ZSWIM3: variants seen among roughly 807,000 people sequenced by gnomAD.
ZSWIM3 encodes the protein zinc finger SWIM domain-containing protein 3.
ZSWIM3 carries 27 observed loss-of-function variants against 47.5 expected under a neutral mutation model. That is an observed-to-expected ratio of 0.57 (90% CI 0.42 to 0.78). The LOEUF (loss-of-function observed/expected upper bound fraction) is 0.78, where lower values mean the gene tolerates loss of function less well. Among genes scored for constraint, ZSWIM3 ranks in the 30% least tolerant of loss-of-function variants. The probability of loss-of-function intolerance (pLI) is 0.00; values close to 1 mark genes in which losing one functional copy is unlikely to be tolerated. For synonymous variants in ZSWIM3, 333 were observed against 333.9 expected (o/e 1.00, Z 0.03); for missense variants, 689 against 861.3 (o/e 0.80, Z 2.50).
At chr20:45,859,851 A>G (rs1262987889) in intron 1 of ZSWIM3, among the ~76,000 whole-genome samples, 1 of 151,218 alleles carries the variant, frequency 6.6e-6, no homozygotes, top group East Asian at 1.9e-4. Flanking sequence ...CAGGAAGACC[A>G]TCTCAGGTGG....
intron 1 of ZSWIM3, among the ~76,000 whole-genome samples, chr20:45,865,188 G>T (rs1438310773): frequency 1.3e-5 from 2 of 151,656 alleles, no homozygotes; most frequent in Non-Finnish European, 2.9e-5. Flanking sequence ...GTGTGGTGGC[G>T]CACACCTGCA....
intron 1 of ZSWIM3, among the ~76,000 whole-genome samples, 178 bp downstream of exon 1, chr20:45,858,158 A>G (rs1324926978): frequency 6.6e-6 from 1 of 152,192 alleles, no homozygotes; most frequent in Non-Finnish European, 1.5e-5. Context: ...CTCCACGGCC[A>G]TTGGTTTTTG....
At chr20:45,869,198 A>G (rs1361990786) in intron 1 of ZSWIM3, among the ~76,000 whole-genome samples, 2 of 151,868 alleles carry the variant, frequency 1.3e-5, no homozygotes, top group Admixed American at 6.6e-5. Context: ...TTCCACCCAG[A>G]TCTTGTTTAT....
chr20:45,870,689 A>AT (rs56367159), intron 1 of ZSWIM3, among the ~76,000 whole-genome samples: 2,527 of 144,246 alleles, frequency 0.018, 34 homozygotes, highest in Non-Finnish European at 0.022. Context: ...AGTGGAATTT[A>AT]TTTTTTTTTT....
intron 1 of ZSWIM3, among the ~76,000 whole-genome samples, chr20:45,862,153 T>G (rs1330400582): frequency 6.6e-6 from 1 of 151,500 alleles, no homozygotes; most frequent in South Asian, 2.1e-4. Context: ...TTTTTTGGTT[T>G]TTTTTTTTTT....
At chr20:45,863,938 C>T (rs1201188202) in intron 1 of ZSWIM3, among the ~76,000 whole-genome samples, 1 of 152,190 alleles carries the variant, frequency 6.6e-6, no homozygotes, top group Non-Finnish European at 1.5e-5. Flanking sequence ...GAGGAGGCTG[C>T]AGTGAGCTGA....
chr20:45,873,400 T>G (rs1338813092), intron 1 of ZSWIM3, among the ~76,000 whole-genome samples: 1 of 150,274 alleles, frequency 6.7e-6, no homozygotes, highest in Non-Finnish European at 1.5e-5. Context: ...AAACGCCATC[T>G]CAAAAAAAAA....
At chr20:45,859,337 A>G (rs1471516896) in intron 1 of ZSWIM3, among the ~76,000 whole-genome samples, 1 of 152,042 alleles carries the variant, frequency 6.6e-6, no homozygotes. Flanking sequence ...ATAAAGATGA[A>G]TAAGTGTTCA....
chr20:45,861,360 G>A (rs1985703295), intron 1 of ZSWIM3, among the ~76,000 whole-genome samples: 1 of 151,496 alleles, frequency 6.6e-6, no homozygotes. Context: ...AGGTTGCAGT[G>A]AGCTATGATC....
At chr20:45,863,192 T>C (rs1985754297) in intron 1 of ZSWIM3, among the ~76,000 whole-genome samples, 2 of 152,106 alleles carry the variant, frequency 1.3e-5, no homozygotes, top group Non-Finnish European at 2.9e-5. Flanking sequence ...TTTGTTTGTT[T>C]GTTTTTTTGT....
At position 45,878,890 on chromosome 20, in the gene ZSWIM3, T is replaced by G. The variant is rs1568750833; in HGVS notation, c.*241T>G. On this transcript the variant is annotated 3_prime_UTR_variant, in exon 2 of 2. Coordinates refer to ENST00000255152, the MANE Select transcript of ZSWIM3 (RefSeq NM_080752.4). Reference sequence around the variant, plus strand: ...CAGTTGTTGTTCAAGGCCAAAGTTATCTCCGTGCTGCAAGGTCACCCTCTT... The same window carrying G: ...CAGTTGTTGTTCAAGGCCAAAGTTAGCTCCGTGCTGCAAGGTCACCCTCTT... 8.2e-6 allele frequency: 4 copies of G among 488,586 alleles called. No individual in the cohort carries two copies. The South Asian group carries it at 1.2e-4, about 15-fold the overall frequency. The allele number at this position is 488,586 out of a possible 1,614,324, so 30.3% of individuals were successfully genotyped here. A position where few individuals can be genotyped will look rare whatever the true frequency, so the allele number is the denominator to read the frequency against.
chr20:45,869,752 G>A (rs6104374), intron 1 of ZSWIM3, among the ~76,000 whole-genome samples: 86,521 of 151,642 alleles, frequency 0.57, 25,040 homozygotes, highest in Admixed American at 0.66. Context: ...TCCAGAAGAA[G>A]AAGCCTTTCT....
intron 1 of ZSWIM3, among the ~76,000 whole-genome samples, chr20:45,870,028 G>A (rs1400701930): frequency 1.4e-5 from 2 of 140,666 alleles, no homozygotes; most frequent in South Asian, 2.3e-4. Context: ...TGGGCAACAG[G>A]GCAAAACTCC....
intron 1 of ZSWIM3, among the ~76,000 whole-genome samples, chr20:45,861,807 T>G (rs1335701460): frequency 3.3e-5 from 5 of 151,936 alleles, no homozygotes; most frequent in Admixed American, 1.3e-4. Context: ...GGTCTTGAAC[T>G]CCTAGGCTCA....
chr20:45,867,681 T>A (rs891635600), intron 1 of ZSWIM3, among the ~76,000 whole-genome samples: 1 of 152,220 alleles, frequency 6.6e-6, no homozygotes, highest in African/African-American at 2.4e-5. Flanking sequence ...TGCTATCAAC[T>A]GGGAAGAGTA....
rs747725796 is a variant in ZSWIM3 at position 45,877,357 on chromosome 20, A to C, written c.799A>C (p.Ser267Arg). Reference sequence around the variant, plus strand: ...AGTCACCTCTGTGGCCAAGATGCTGAGCATCTTCACAGAGTTCAACTCCGA... The same window carrying C: ...AGTCACCTCTGTGGCCAAGATGCTGCGCATCTTCACAGAGTTCAACTCCGA... ...ETVTSVAKML[S>R]IFTEFNSDWP... The change falls in exon 2 of 2, where the codon AGC (serine) becomes CGC (arginine). Residue 267 changes from serine to arginine, a missense_variant. By Grantham distance (110) the Ser-to-Arg change is moderately radical. Transcript: ENST00000255152. 1 of 1,614,132 alleles carries C rather than the reference A, an allele frequency of 6.2e-7. No individual in the cohort carries two copies. Among genetic ancestry groups the C allele is most frequent in the South Asian group, 1.1e-5 (1 of 91,078 alleles).
At chr20:45,861,223 C>A (rs1985700418) in intron 1 of ZSWIM3, among the ~76,000 whole-genome samples, 1 of 152,158 alleles carries the variant, frequency 6.6e-6, no homozygotes, top group Non-Finnish European at 1.5e-5. Context: ...CTAGACCAGC[C>A]TGGGCAACAT....
chr20:45,877,944 G>A lies in ZSWIM3; in HGVS notation c.1386G>A (p.Glu462=). ...KSKKAFGICG[E]SLTSLPAEET... The stretch of plus-strand genomic sequence containing the variant: ...AGAAGGCTTTTGGAATCTGTGGAGA[G>A]AGCCTTACCAGCCTCCCTGCAGAAG... Residue 462 remains glutamate, a synonymous_variant, in exon 2 of 2, where the codon GAG becomes GAA. Transcript: ENST00000255152. The A allele has an allele frequency of 6.2e-7, 1 of 1,614,186 alleles. No individual in the cohort carries two copies. Among genetic ancestry groups the A allele is most frequent in the South Asian group, 1.1e-5 (1 of 91,084 alleles).
chr20:45,862,083 T>C lies in ZSWIM3; in HGVS notation c.155+4103T>C, dbSNP rs188037693. Among the ~76,000 whole-genome samples the C allele has an allele frequency of 2.1e-4, 32 of 151,978 alleles. No individual in the cohort carries two copies. The East Asian group carries it at 5.8e-3, about 28-fold the overall frequency. ...TTTGAGTGGTTAACATAATTAAAAATATTTTCAAAAAGTACAGAAGGGACT... is the reference window on the plus strand; with the variant it reads ...TTTGAGTGGTTAACATAATTAAAAACATTTTCAAAAAGTACAGAAGGGACT... On this transcript the variant is annotated intron_variant, in intron 1 of 1. Transcript: ENST00000255152.
Sources: gnomAD v4.1 joint callset for allele counts (sites outside exome capture counted in the v4.1 genomes callset) on GRCh38, gnomAD v4.1.1 for gene constraint, MANE v1.5 for transcripts, NCBI Gene and HGNC (gene_info 2026-07-23, HGNC 2026-07-21) for gene names.